Variants in CFAP70 observed in about 807,000 individuals in gnomAD.
CFAP70 encodes the protein cilia and flagella associated protein 70, also known as cilia- and flagella-associated protein 70.
CFAP70 carries 81 observed loss-of-function variants against 137.6 expected under a neutral mutation model. The ratio of observed to expected loss-of-function variants is 0.59; its 90% CI spans 0.49 to 0.71. CFAP70 has a LOEUF of 0.71. Among genes scored for constraint, CFAP70 ranks in the 30% least tolerant of loss-of-function variants. CFAP70 has a pLI of 0.00. For synonymous variants in CFAP70, 382 were observed against 423.6 expected, an observed-to-expected ratio of 0.90 and a Z score of 1.20; for missense variants, 976 against 1,226.7, an observed-to-expected ratio of 0.80 and a Z score of 3.05.
chr10:73,299,760 G>C (rs927965360), intron 12 of CFAP70, 95 bp from the exon 14 acceptor site: 1 of 972,306 alleles, frequency 1.0e-6, no homozygotes, highest in Non-Finnish European at 1.5e-6. Flanking sequence ...GTGTCTGGGT[G>C]GGGGAGATCT....
intron 9 of CFAP70, among the ~76,000 whole-genome samples, chr10:73,321,100 G>A (rs2050812702): frequency 6.6e-6 from 1 of 151,834 alleles, no homozygotes; most frequent in Admixed American, 6.6e-5. Context: ...TGAGATTTTT[G>A]AACCTATTAA....
chr10:73,349,840 C>T (rs78307021), intron 3 of CFAP70, among the ~76,000 whole-genome samples: 203 of 152,230 alleles, frequency 1.3e-3, no homozygotes, highest in African/African-American at 4.6e-3. Flanking sequence ...ATCATATTTG[C>T]TTTGTTTGCT....
At chr10:73,322,588 G>C (rs1462652580) in intron 9 of CFAP70, among the ~76,000 whole-genome samples, 2 of 136,450 alleles carry the variant, frequency 1.5e-5, no homozygotes, top group Non-Finnish European at 3.1e-5. Flanking sequence ...AAAAAAAAAA[G>C]TACTCTCTTT....
chr10:73,284,800 ATAT>A (rs2047558156), intron 19 of CFAP70, among the ~76,000 whole-genome samples: 2 of 83,594 alleles, frequency 2.4e-5, no homozygotes, highest in Admixed American at 1.5e-4. Flanking sequence ...ATATATATAT[ATAT>A]AAAAGTTGTT....
chr10:73,324,017 G>A (rs907581809), intron 8 of CFAP70, among the ~76,000 whole-genome samples: 10 of 152,214 alleles, frequency 6.6e-5, no homozygotes, highest in Non-Finnish European at 8.8e-5. Flanking sequence ...ATCTGAGAAC[G>A]GGCACACTGC....
At chr10:73,260,752 T>C (rs886065080) in intron 25 of CFAP70, among the ~76,000 whole-genome samples, 1 of 152,212 alleles carries the variant, frequency 6.6e-6, no homozygotes. Context: ...CTTGCCATAA[T>C]ATTTTTGACA....
chr10:73,354,792 TC>T lies in CFAP70; in HGVS notation c.4del (p.Glu2SerfsTer14). On this transcript the variant is annotated frameshift_variant, in exon 2 of 27. Transcript: ENST00000310715. LOFTEE classifies it high-confidence loss of function. ...GAGTCTGCCTGCTGATGGCACTTGC[TC>T]CATATCACCAACTGGGAAAAGTCCC... 1 of 1,613,980 alleles carries T rather than the reference TC, an allele frequency of 6.2e-7. No individual in the cohort carries two copies. Among genetic ancestry groups the T allele is most frequent in the Non-Finnish European group, 8.5e-7 (1 of 1,179,912 alleles).
chr10:73,345,553 C>A (rs2053631199), intron 4 of CFAP70, among the ~76,000 whole-genome samples: 1 of 152,092 alleles, frequency 6.6e-6, no homozygotes, highest in South Asian at 2.1e-4. Flanking sequence ...CTCCTGTAAT[C>A]CCAGCACTTT....
In CFAP70 at chr10:73,351,069, G is replaced by GTATATA. The variant is rs1367174993; in HGVS notation, c.250+2486_250+2487insTATATA. Among the ~76,000 whole-genome samples, 330 of 50,396 alleles carry GTATATA rather than the reference G, an allele frequency of 6.5e-3. 2 individuals carry two copies. The highest frequency in any genetic ancestry group is 0.014 in the Middle Eastern group (1 of 70). 33.1% of individuals were successfully genotyped at this position (50,396 alleles called of 152,430 possible). ...TATGTGTGTGTGTGTGTGTGTGTGT[G>GTATATA]TGTATATATATATATATATATATAT... is the stretch of plus-strand genomic sequence containing the variant. On this transcript the variant is annotated intron_variant, in intron 3 of 26. Transcript: ENST00000310715.
chr10:73,338,013 C>T lies in CFAP70; in HGVS notation c.583-2489G>A, dbSNP rs138044743. Among the ~76,000 whole-genome samples the T allele has an allele frequency of 4.6e-5, 7 of 152,262 alleles. No homozygotes were observed. The East Asian group carries it at 1.3e-3, about 29-fold the overall frequency. ...TCTGAAAATCAAGTGAAGAAACCTGCAGTTTTGCCATCATGAATAGACTAA... is the reference window on the plus strand; with the variant it reads ...TCTGAAAATCAAGTGAAGAAACCTGTAGTTTTGCCATCATGAATAGACTAA... On this transcript the variant is annotated intron_variant, in intron 6 of 26. Coordinates refer to ENST00000310715, the Ensembl canonical transcript of CFAP70.
At chr10:73,283,794 C>T (rs534513606) in intron 19 of CFAP70, among the ~76,000 whole-genome samples, 8 of 152,208 alleles carry the variant, frequency 5.3e-5, no homozygotes, top group Admixed American at 3.3e-4. Context: ...TGGCCTCAAG[C>T]GATCCTCCCA....
chr10:73,314,591 CT>C (rs1388116117), intron 9 of CFAP70, among the ~76,000 whole-genome samples: 2 of 151,986 alleles, frequency 1.3e-5, no homozygotes, highest in Non-Finnish European at 2.9e-5. Context: ...TGGTTCATTA[CT>C]TTTTTATTTT....
intron 5 of CFAP70, among the ~76,000 whole-genome samples, chr10:73,341,863 A>G (rs1245888198): frequency 6.6e-6 from 1 of 152,238 alleles, no homozygotes; most frequent in Non-Finnish European, 1.5e-5. Flanking sequence ...CCCTGAAGCT[A>G]ATGACAAATT....
intron 6 of CFAP70, among the ~76,000 whole-genome samples, chr10:73,339,649 C>T (rs1215155640): frequency 1.3e-5 from 2 of 152,226 alleles, no homozygotes; most frequent in African/African-American, 4.8e-5. Context: ...TGTGCACAGC[C>T]AGGCATGCTG....
At chr10:73,263,829 C>T (rs2045502987) in intron 25 of CFAP70, among the ~76,000 whole-genome samples, 1 of 152,172 alleles carries the variant, frequency 6.6e-6, no homozygotes, top group Non-Finnish European at 1.5e-5. Context: ...TTTTAGCATA[C>T]ATTGATGATT....
At chr10:73,351,069 GTGTATATATATATATATA>G (rs1237186246) in intron 3 of CFAP70, among the ~76,000 whole-genome samples, 42 of 50,560 alleles carry the variant, frequency 8.3e-4, no homozygotes, top group African/African-American at 2.0e-3. Context: ...GTGTGTGTGT[GTGTATATATATATATATA>G]TATATATATA....
At chr10:73,266,705 G>A (rs1294397739) in intron 25 of CFAP70, among the ~76,000 whole-genome samples, 1 of 152,052 alleles carries the variant, frequency 6.6e-6, no homozygotes, top group Non-Finnish European at 1.5e-5. Flanking sequence ...ATAATTAATA[G>A]AATAAGAATA....
At chr10:73,358,611 G>C (rs1237981319) in intron 1 of CFAP70, 167 bp downstream of exon 1, 1 of 152,470 alleles carries the variant, frequency 6.6e-6, no homozygotes, top group South Asian at 2.1e-4. Flanking sequence ...CCTGGCCTTA[G>C]CTAAGGGAGC....
At chr10:73,272,373 G>A (rs1311479502) in intron 24 of CFAP70, among the ~76,000 whole-genome samples, 3 of 151,996 alleles carry the variant, frequency 2.0e-5, no homozygotes, top group African/African-American at 7.2e-5. Flanking sequence ...AAATAAGTGA[G>A]TAAGCTATTC....
Sources: gnomAD v4.1 joint callset for allele counts (sites outside exome capture counted in the v4.1 genomes callset) on GRCh38, gnomAD v4.1.1 for gene constraint, MANE v1.5 for transcripts, NCBI Gene and HGNC (gene_info 2026-07-23, HGNC 2026-07-21) for gene names.